The following LRRC4B variants were observed in gnomAD, a reference collection of about 807,000 sequenced individuals.
The protein encoded by LRRC4B is leucine-rich repeat-containing protein 4B.
Under a neutral mutation model 7.3 loss-of-function variants are expected in LRRC4B, and 1 was observed. That is an observed-to-expected ratio of 0.14 (90% CI 0.05 to 0.65). The LOEUF is 0.65. Among genes scored for constraint, LRRC4B ranks in the 30% least tolerant of loss-of-function variants. The pLI, the probability that LRRC4B is intolerant of heterozygous loss-of-function variation, is 0.84. For missense variants in LRRC4B, 730 were observed against 1,041.6 expected, an observed-to-expected ratio of 0.70 and a Z score of 4.12; for synonymous variants, 500 against 499.2, an observed-to-expected ratio of 1.00 and a Z score of -0.02.
intron 1 of LRRC4B, among the ~76,000 whole-genome samples, chr19:50,554,275 G>A (rs915529990): frequency 2.6e-5 from 4 of 152,110 alleles, no homozygotes; most frequent in African/African-American, 9.7e-5. Context: ...GATGACAGGT[G>A]TGGGCCACCG....
At chr19:50,532,639 A>G (rs185417010) in intron 2 of LRRC4B, among the ~76,000 whole-genome samples, 1 of 152,286 alleles carries the variant, frequency 6.6e-6, no homozygotes, top group East Asian at 1.9e-4. Flanking sequence ...CATCAGTCAC[A>G]CACACACACT....
chr19:50,542,965 CA>C (rs1275592557), intron 2 of LRRC4B, among the ~76,000 whole-genome samples: 8 of 152,244 alleles, frequency 5.3e-5, no homozygotes, highest in East Asian at 1.9e-4. Flanking sequence ...TCTTGCTGCC[CA>C]CACCGCACCC....
chr19:50,552,672 C>CCATT lies in LRRC4B; in HGVS notation c.-35-3800_-35-3799insAATG, dbSNP rs1342924533. ...TCCATCCATCCATCCATCCATCCAT[C>CCATT]CATCCATCCATCCATCCGTCCATCC... On this transcript the variant is annotated intron_variant, in intron 1 of 2. Coordinates refer to ENST00000652263, the MANE Select transcript of LRRC4B (RefSeq NM_001080457.2). 3.2e-4 allele frequency among the ~76,000 whole-genome samples: 16 copies of CCATT among 50,754 alleles called. 1 individual carries two copies. Among genetic ancestry groups the CCATT allele is most frequent in the African/African-American group, 2.1e-3 (16 of 7,688 alleles). The allele number at this position is 50,754 out of a possible 152,430, so 33.3% of individuals were successfully genotyped here.
At chr19:50,562,178 C>T (rs1568738447) in intron 1 of LRRC4B, among the ~76,000 whole-genome samples, 1 of 151,990 alleles carries the variant, frequency 6.6e-6, no homozygotes, top group Non-Finnish European at 1.5e-5. Context: ...GTGCATTCTC[C>T]TCTCTTGGCC....
chr19:50,523,236 AGTGGTGT>A (rs1980658658), intron 2 of LRRC4B, among the ~76,000 whole-genome samples: 1 of 152,240 alleles, frequency 6.6e-6, no homozygotes, highest in East Asian at 1.9e-4. Context: ...AAGCCCAGAT[AGTGGTGT>A]GTGCCAGGGA....
At position 50,517,531 on chromosome 19, in the gene LRRC4B, T is replaced by TG. The variant is rs765601206; in HGVS notation, c.*39dup. The TG allele has an allele frequency of 1.2e-4, 164 of 1,381,022 alleles. 2 individuals are homozygous for TG. The highest frequency in any genetic ancestry group is 1.2e-3 in the South Asian group (67 of 56,828). 85.5% of individuals were successfully genotyped at this position (1,381,022 alleles called of 1,614,324 possible). A position where few individuals can be genotyped will look rare whatever the true frequency, so the allele number is the denominator to read the frequency against. Reference sequence around the variant, plus strand: ...GGCTGCGCCCGGGCTGGGACCTGGGTGGGGGGCTCCACGCCCCTCGCCCGC... The same window carrying TG: ...GGCTGCGCCCGGGCTGGGACCTGGGTGGGGGGGCTCCACGCCCCTCGCCCGC... On this transcript the variant is annotated 3_prime_UTR_variant, in exon 3 of 3. Coordinates refer to ENST00000652263, the MANE Select transcript of LRRC4B (RefSeq NM_001080457.2). The surrounding 1 kb of genome is among the most constrained non-coding windows in gnomAD (Gnocchi z 6.6).
At chr19:50,535,679 C>A (rs576304790) in intron 2 of LRRC4B, among the ~76,000 whole-genome samples, 50 of 152,346 alleles carry the variant, frequency 3.3e-4, no homozygotes, top group Non-Finnish European at 4.7e-4. Flanking sequence ...TTCCCTGATG[C>A]CATGACTGGC....
chr19:50,566,084 G>A (rs1006469750), intron 1 of LRRC4B, among the ~76,000 whole-genome samples: 1 of 151,780 alleles, frequency 6.6e-6, no homozygotes, highest in African/African-American at 2.4e-5. Context: ...GGAGGAGGAG[G>A]AGGAGGAAGG....
At position 50,537,310 on chromosome 19, in the gene LRRC4B, A is replaced by C. The variant is rs1981335267; in HGVS notation, c.297+11232T>G. 6.6e-6 allele frequency among the ~76,000 whole-genome samples: 1 copy of C among 152,112 alleles called. No homozygotes were observed. Among genetic ancestry groups the C allele is most frequent in the Admixed American group, 6.5e-5 (1 of 15,272 alleles). On this transcript the variant is annotated intron_variant, in intron 2 of 2. Coordinates refer to ENST00000652263, the MANE Select transcript of LRRC4B (RefSeq NM_001080457.2). The surrounding 1 kb of genome is among the most constrained non-coding windows in gnomAD (Gnocchi z 5.5). ...TCATCTGTAACATGAGAAGAATAGG[A>C]CCTACTCAGGGGGCTGTCGTGAGGC...
At position 50,517,802 on chromosome 19, in the gene LRRC4B, G is replaced by C. The variant is rs766803841; in HGVS notation, c.1911C>G (p.Ala637=). 2 of 1,538,554 alleles carry C rather than the reference G, an allele frequency of 1.3e-6. No homozygotes were observed. The highest frequency in any genetic ancestry group is 2.1e-5 in the Admixed American group (1 of 47,438). ...CGCCCACACCACCCCCACTGGCCAC[G>C]GCGGCCGCGGCGGCCACGGACACGG... is the stretch of plus-strand genomic sequence containing the variant. The part of the protein sequence containing the change: ...ASAVSVAAAA[A]VASGGGVGGD... Residue 637 remains alanine (A), a synonymous_variant, in exon 3 of 3, where the codon GCC becomes GCG. Transcript: ENST00000652263. The surrounding 1 kb of genome is among the most constrained non-coding windows in gnomAD (Gnocchi z 6.6).
Position 50,548,432 on chromosome 19 carries a change from CCGGAGACGGGGAAG to C in LRRC4B, c.297+96_297+109del. 7.0e-7 allele frequency: 1 copy of C among 1,423,258 alleles called. No homozygotes were observed. Among genetic ancestry groups the C allele is most frequent in the Admixed American group, 2.0e-5 (1 of 49,294 alleles). 88.2% of individuals were successfully genotyped at this position (1,423,258 alleles called of 1,614,324 possible). Reference sequence around the variant, plus strand: ...GACCCGCAGGCCACATCCACAGGTGCCGGAGACGGGGAAGCCCCGGTGTGGGGAGGCCCAGAAGG... The same window carrying C: ...GACCCGCAGGCCACATCCACAGGTGCCCCCGGTGTGGGGAGGCCCAGAAGG... On this transcript the variant is annotated intron_variant, in intron 2 of 2. Coordinates refer to ENST00000652263, the MANE Select transcript of LRRC4B (RefSeq NM_001080457.2). The surrounding 1 kb of genome is among the most constrained non-coding windows in gnomAD (Gnocchi z 6.8).
Position 50,548,021 on chromosome 19 carries a change from G to T in LRRC4B, c.297+521C>A, listed in dbSNP as rs974407869. On this transcript the variant is annotated intron_variant, in intron 2 of 2. Transcript: ENST00000652263. The surrounding 1 kb of genome is among the most constrained non-coding windows in gnomAD (Gnocchi z 6.8). ...AACGCCTCCTGTCCTCTGACCACTC[G>T]CCAGGTGCCAGCACACAAGCTAACG... Among the ~76,000 whole-genome samples the T allele has an allele frequency of 2.0e-5, 3 of 152,172 alleles. No homozygotes were observed. Among genetic ancestry groups the T allele is most frequent in the East Asian group, 3.9e-4 (2 of 5,160 alleles).
At chr19:50,529,664 G>T (rs1419868090) in intron 2 of LRRC4B, among the ~76,000 whole-genome samples, 1 of 152,090 alleles carries the variant, frequency 6.6e-6, no homozygotes, top group Non-Finnish European at 1.5e-5. Context: ...AATTAGCTGG[G>T]CGTGATGATG....
chr19:50,532,526 C>T (rs1169009033), intron 2 of LRRC4B, among the ~76,000 whole-genome samples: 1 of 152,192 alleles, frequency 6.6e-6, no homozygotes, highest in Non-Finnish European at 1.5e-5. Flanking sequence ...AGCCTCTCTG[C>T]CTTTGCACAG....
At chr19:50,554,011 T>TTG (rs1982189981) in intron 1 of LRRC4B, among the ~76,000 whole-genome samples, 1 of 148,814 alleles carries the variant, frequency 6.7e-6, no homozygotes, top group African/African-American at 2.5e-5. Flanking sequence ...TTTTTTTTTT[T>TTG]GAGACAGAGT....
At chr19:50,557,869 C>T (rs1982330969) in intron 1 of LRRC4B, 1 of 152,202 alleles carries the variant, frequency 6.6e-6, no homozygotes, top group Non-Finnish European at 1.5e-5. Context: ...CCCCCTCCTC[C>T]TGCTCACAGC....
intron 1 of LRRC4B, among the ~76,000 whole-genome samples, chr19:50,554,433 C>T (rs571233365): frequency 6.6e-6 from 1 of 152,260 alleles, no homozygotes; most frequent in East Asian, 1.9e-4. Flanking sequence ...CAGGAGGTCC[C>T]CAGCGCAGCT....
chr19:50,531,997 A>AG (rs1981078784), intron 2 of LRRC4B, among the ~76,000 whole-genome samples: 3 of 152,006 alleles, frequency 2.0e-5, no homozygotes. Flanking sequence ...CCAAGGCGGG[A>AG]GGATTGCTTG....
chr19:50,528,040 CCTCT>C (rs974985258), intron 2 of LRRC4B, among the ~76,000 whole-genome samples: 13 of 150,500 alleles, frequency 8.6e-5, no homozygotes, highest in South Asian at 4.2e-4. Flanking sequence ...CGTGCCTGGC[CCTCT>C]CTCTCTCTCT....
Sources: allele counts gnomAD v4.1 joint callset (sites outside exome capture counted in the v4.1 genomes callset), GRCh38; gene constraint gnomAD v4.1.1; non-coding constraint Gnocchi (gnomAD v3.1); transcripts MANE v1.5; gene names NCBI Gene and HGNC (gene_info 2026-07-23, HGNC 2026-07-21).